PPP2R5A: variants seen among roughly 807,000 people sequenced by gnomAD.
The protein encoded by PPP2R5A is serine/threonine-protein phosphatase 2A 56 kDa regulatory subunit alpha isoform.
A neutral mutation model predicts 64.2 loss-of-function variants in PPP2R5A; 25 were observed. That is an observed-to-expected ratio of 0.39 (90% CI 0.28 to 0.54). The LOEUF (loss-of-function observed/expected upper bound fraction) is 0.54, where lower values mean the gene tolerates loss of function less well. Ranked by LOEUF, PPP2R5A falls within the 20% of genes least tolerant of loss-of-function variation. The probability of loss-of-function intolerance (pLI) is 0.67; values close to 1 mark genes in which losing one functional copy is unlikely to be tolerated. For missense variants in PPP2R5A, 425 were observed against 576.3 expected (o/e 0.74, Z 2.69); for synonymous variants, 198 against 201.2 (o/e 0.98, Z 0.13).
At chr1:212,348,704 TTAAGA>T (rs1268039080) in intron 7 of PPP2R5A, among the ~76,000 whole-genome samples, 2 of 152,222 alleles carry the variant, frequency 1.3e-5, no homozygotes, top group African/African-American at 4.8e-5. Context: ...CACTTACAGT[TTAAGA>T]TACACACTTT....
At chr1:212,348,580 T>C in intron 7 of PPP2R5A, 83 bp downstream of exon 7, 1 of 1,018,756 alleles carries the variant, frequency 9.8e-7, no homozygotes, top group Non-Finnish European at 1.4e-6. Flanking sequence ...AATACTGAGA[T>C]GACAGTTTTA....
At chr1:212,303,516 A>G (rs1215136895) in intron 1 of PPP2R5A, among the ~76,000 whole-genome samples, 1 of 152,036 alleles carries the variant, frequency 6.6e-6, no homozygotes, top group Non-Finnish European at 1.5e-5. Context: ...TCTTGGTGGT[A>G]TCCTTTGAAG....
chr1:212,333,537 A>G lies in PPP2R5A; in HGVS notation c.419A>G (p.Asn140Ser). 1 of 1,602,612 alleles carries G rather than the reference A, an allele frequency of 6.2e-7. No individual in the cohort carries two copies. The highest frequency in any genetic ancestry group is 8.5e-7 in the Non-Finnish European group (1 of 1,173,018). ...NIFRTLPPSD[N>S]PDFDPEEDEP... Reference sequence around the variant, plus strand: ...TTCCGTACACTTCCTCCAAGTGATAATCCAGATTTTGATCCAGAAGAGGAT... The same window carrying G: ...TTCCGTACACTTCCTCCAAGTGATAGTCCAGATTTTGATCCAGAAGAGGAT... The change falls in exon 3 of 13, where the codon AAT becomes AGT. Residue 140 changes from asparagine (N) to serine (S), a missense_variant. Asn to Ser is a conservative substitution (Grantham distance 46). Coordinates refer to ENST00000261461, the MANE Select transcript of PPP2R5A (RefSeq NM_006243.4).
At chr1:212,349,138 A>G (rs1659833318) in intron 7 of PPP2R5A, 51 bp from the exon 8 acceptor site, 1 of 1,270,878 alleles carries the variant, frequency 7.9e-7, no homozygotes, top group Non-Finnish European at 1.1e-6. Context: ...AAAATCCTAC[A>G]TTATTAAATG....
intron 1 of PPP2R5A, among the ~76,000 whole-genome samples, chr1:212,323,021 C>T (rs1328895710): frequency 6.6e-6 from 1 of 152,134 alleles, no homozygotes; most frequent in Admixed American, 6.5e-5. Flanking sequence ...CTCCTGACCT[C>T]GTGATCTGCC....
At chr1:212,293,576 ATC>A (rs2102410672) in intron 1 of PPP2R5A, among the ~76,000 whole-genome samples, 1 of 152,300 alleles carries the variant, frequency 6.6e-6, no homozygotes, top group East Asian at 1.9e-4. Context: ...TAGTTTTTAT[ATC>A]TGTCTTTTTG....
At chr1:212,352,432 GGTTT>G (rs1239584962) in intron 8 of PPP2R5A, among the ~76,000 whole-genome samples, 32 of 151,502 alleles carry the variant, frequency 2.1e-4, no homozygotes, top group Admixed American at 1.3e-3. Flanking sequence ...ACTACATTTG[GGTTT>G]GTTTGTTTGT....
At chr1:212,346,605 G>C (rs74226135) in intron 5 of PPP2R5A, among the ~76,000 whole-genome samples, 23,423 of 152,002 alleles carry the variant, frequency 0.15, 2,492 homozygotes, top group East Asian at 0.37. Context: ...ATCTGTAGTT[G>C]GTTGAATGCA....
At chr1:212,291,689 T>C (rs1658604677) in intron 1 of PPP2R5A, among the ~76,000 whole-genome samples, 1 of 152,234 alleles carries the variant, frequency 6.6e-6, no homozygotes, top group Non-Finnish European at 1.5e-5. Context: ...CTCTTAACTT[T>C]GCTGCCCCCT....
intron 12 of PPP2R5A, among the ~76,000 whole-genome samples, chr1:212,360,182 A>AAACT: frequency 1.3e-5 from 2 of 152,350 alleles, no homozygotes; most frequent in East Asian, 3.9e-4. Context: ...AGTAAGATAC[A>AAACT]AACTGGTTAG....
chr1:212,338,325 T>C (rs1325763389), intron 3 of PPP2R5A, among the ~76,000 whole-genome samples: 1 of 152,214 alleles, frequency 6.6e-6, no homozygotes, highest in Admixed American at 6.5e-5. Context: ...TGTACAGAAG[T>C]AGAAGGACTA....
intron 3 of PPP2R5A, among the ~76,000 whole-genome samples, chr1:212,334,526 T>C (rs985220441): frequency 1.3e-5 from 2 of 152,282 alleles, no homozygotes; most frequent in Middle Eastern, 3.4e-3. Flanking sequence ...ACACCTGAGC[T>C]CAAGCAGCCC....
rs1660077990 is a variant in PPP2R5A, at chr1:212,361,359, T to C, written c.*589T>C. On this transcript the variant is annotated 3_prime_UTR_variant, in exon 13 of 13. Coordinates refer to ENST00000261461, the MANE Select transcript of PPP2R5A (RefSeq NM_006243.4). ...GGCTTTTTAAAGCACAAAATATAAA[T>C]AAAAGCTGGGAAAGTAAACCAAAAT... 1 of 152,566 alleles carries C rather than the reference T, an allele frequency of 6.6e-6. No individual in the cohort carries two copies. The highest frequency in any genetic ancestry group is 1.5e-5 in the Non-Finnish European group (1 of 68,014). The allele number at this position is 152,566 out of a possible 1,614,324, so 9.5% of individuals were successfully genotyped here.
At position 212,358,708 on chromosome 1, in the gene PPP2R5A, A is replaced by C; in HGVS notation, c.1249A>C (p.Asn417His). 6.2e-7 allele frequency: 1 copy of C among 1,613,432 alleles called. No homozygotes were observed. Among genetic ancestry groups the C allele is most frequent in the Non-Finnish European group, 8.5e-7 (1 of 1,179,550 alleles). Reference sequence around the variant, plus strand: ...CAGGACCATTGTAGCACTGGTATACAATGTGCTGAAAACCCTAATGGAAAT... The same window carrying C: ...CAGGACCATTGTAGCACTGGTATACCATGTGCTGAAAACCCTAATGGAAAT... ...WNPTIVALVY[N>H]VLKTLMEMNG... The change falls in exon 12 of 13, where the codon AAT (asparagine) becomes CAT (histidine). Residue 417 changes from asparagine (N) to histidine (H), a missense_variant. Around this residue, in one of 4 missense-constraint regions of PPP2R5A, gnomAD observed 177 missense variants for 244.8 expected, o/e 0.72. Transcript: ENST00000261461.
At chr1:212,350,654 C>CA (rs11372024) in intron 8 of PPP2R5A, among the ~76,000 whole-genome samples, 24,634 of 136,518 alleles carry the variant, frequency 0.18, 2,409 homozygotes, top group Middle Eastern at 0.32. Context: ...ACTCTGTCTT[C>CA]AAAAAAAAAA....
At position 212,285,918 on chromosome 1, in the gene PPP2R5A, G is replaced by C; in HGVS notation, c.-193G>C. 1 of 489,682 alleles carries C rather than the reference G, an allele frequency of 2.0e-6. No homozygotes were observed. The highest frequency in any genetic ancestry group is 3.3e-6 in the Non-Finnish European group (1 of 299,234). The allele number at this position is 489,682 out of a possible 1,614,324, so 30.3% of individuals were successfully genotyped here. A position where few individuals can be genotyped will look rare whatever the true frequency, so the allele number is the denominator to read the frequency against. On this transcript the variant is annotated 5_prime_UTR_variant, in exon 1 of 13. Coordinates refer to ENST00000261461, the MANE Select transcript of PPP2R5A (RefSeq NM_006243.4). ...GCGCCGGGGACCAGGAACCTCCAGC[G>C]CTGAGATGTGGCCGTGAGGCGTTGG...
At chr1:212,356,916 T>A in intron 9 of PPP2R5A, 34 bp from the exon 10 acceptor site, 1 of 1,456,550 alleles carries the variant, frequency 6.9e-7, no homozygotes, top group Middle Eastern at 1.8e-4. Flanking sequence ...ACATAATTTA[T>A]CATGTTTCTT....
rs192765953 is a variant in PPP2R5A at position 212,342,252 on chromosome 1, G to A, written c.545G>A (p.Arg182Gln). Residue 182 changes from arginine (R) to glutamine (Q), a missense_variant, in exon 4 of 13, where the codon CGA becomes CAA. By Grantham distance (43) the Arg-to-Gln change is conservative (BLOSUM62 1). Transcript: ENST00000261461. ...GATTTCCAGCCTAGCATTGCAAAAC[G>A]ATACATTGATCAGAAATTCGTACAA... ...SPDFQPSIAK[R>Q]YIDQKFVQQL... is the part of the protein sequence containing the mutation. 3.1e-6 allele frequency: 5 copies of A among 1,613,314 alleles called. No individual in the cohort carries two copies. The highest frequency in any genetic ancestry group is 2.2e-5 in the East Asian group (1 of 44,786).
At chr1:212,324,645 C>G (rs1659375299) in intron 1 of PPP2R5A, among the ~76,000 whole-genome samples, 1 of 151,368 alleles carries the variant, frequency 6.6e-6, no homozygotes, top group African/African-American at 2.4e-5. Flanking sequence ...TGCTCTGTCC[C>G]CCAGGCTGGA....
Sources: gnomAD v4.1 joint callset for allele counts (sites outside exome capture counted in the v4.1 genomes callset) on GRCh38, gnomAD v4.1.1 for gene constraint, gnomAD v4.1.1 regional missense constraint, MANE v1.5 for transcripts, NCBI Gene and HGNC (gene_info 2026-07-23, HGNC 2026-07-21) for gene names.